NIN: variants seen among roughly 807,000 people sequenced by gnomAD.
NIN encodes glycogen synthase kinase 3 beta-interacting protein.
A neutral mutation model predicts 257.6 loss-of-function variants in NIN; 137 were observed. The ratio of observed to expected loss-of-function variants is 0.53; its 90% confidence interval spans 0.46 to 0.61. The LOEUF (loss-of-function observed/expected upper bound fraction) is 0.61, where lower values mean the gene tolerates loss of function less well. Among genes scored for constraint, NIN ranks in the 20% least tolerant of loss-of-function variants. NIN has a pLI of 0.00. For missense variants in NIN, 2,439 were observed against 2,501.2 expected, an observed-to-expected ratio of 0.98 and a Z score of 0.53; for synonymous variants, 918 against 919.8, an observed-to-expected ratio of 1.00 and a Z score of 0.04.
intron 17 of NIN, among the ~76,000 whole-genome samples, chr14:50,759,110 G>A (rs1317667975): frequency 6.6e-6 from 1 of 152,144 alleles, no homozygotes. Context: ...AGCGTGTGAC[G>A]AAACAAAGCC....
At chr14:50,743,317 T>C (rs1171664639) in intron 24 of NIN, 99 bp downstream of exon 24, 2 of 779,052 alleles carry the variant, frequency 2.6e-6, no homozygotes, top group Non-Finnish European at 4.4e-6. Context: ...GGAACCCTCT[T>C]ACGCTACTTC....
At position 50,812,373 on chromosome 14, in the gene NIN, C is replaced by A. The variant is rs539698426; in HGVS notation, c.184-5555G>T. ...CAGGCCCACTTCCCTCTTGGTCTGA[C>A]CCCTCAGGGAAATCCCTTGCTGCTG... On this transcript the variant is annotated intron_variant, in intron 3 of 30. Coordinates refer to ENST00000530997, the MANE Select transcript of NIN (RefSeq NM_020921.4). Among the ~76,000 whole-genome samples, 20 of 152,290 alleles carry A rather than the reference C, an allele frequency of 1.3e-4. No homozygotes were observed. The East Asian group carries it at 3.9e-3, about 29-fold the overall frequency.
At chr14:50,765,841 A>ATT (rs1354361634) in intron 14 of NIN, among the ~76,000 whole-genome samples, 644 of 63,770 alleles carry the variant, frequency 0.01, 3 homozygotes, top group African/African-American at 0.021. Flanking sequence ...GCTAACATTT[A>ATT]TGTTTTTTTT....
Position 50,770,982 on chromosome 14 carries a change from C to G in NIN, c.1129G>C (p.Asp377His). Residue 377 changes from aspartate to histidine, a missense_variant, in exon 11 of 31, where the codon GAT (aspartate) becomes CAT (histidine). By Grantham distance (81) the Asp-to-His change is moderately conservative. Around this residue, in one of 3 missense-constraint regions of NIN, gnomAD observed 2,043 missense variants for 2,050.2 expected, o/e 1.00. Transcript: ENST00000530997. The part of the protein sequence containing the change: ...AEIRHLLERV[D>H]QVVREKEKLR... ...TTCTCTTTTTCTCTGACCACCTGAT[C>G]AACTCGTTCCCTAGGATCAGAAGTA... The G allele has an allele frequency of 6.2e-7, 1 of 1,613,832 alleles. No homozygotes were observed. The highest frequency in any genetic ancestry group is 8.5e-7 in the Non-Finnish European group (1 of 1,179,892).
At chr14:50,727,563 ATAATT>A in intron 29 of NIN, 1 of 1,311,212 alleles carries the variant, frequency 7.6e-7, no homozygotes, top group African/African-American at 1.5e-5. Context: ...AAATAATAAA[ATAATT>A]TAAAAGAGCA....
At chr14:50,729,174 CTCA>C (rs2040562297) in intron 29 of NIN, among the ~76,000 whole-genome samples, 1 of 152,046 alleles carries the variant, frequency 6.6e-6, no homozygotes, top group Non-Finnish European at 1.5e-5. Flanking sequence ...AAGCTGAGAG[CTCA>C]AAAGTAGCAC....
intron 4 of NIN, among the ~76,000 whole-genome samples, chr14:50,800,227 A>G (rs562299133): frequency 1.3e-5 from 2 of 152,360 alleles, no homozygotes; most frequent in East Asian, 1.9e-4. Flanking sequence ...CATTGTTTAC[A>G]TAGATAGAGC....
In NIN at chr14:50,760,099, C is replaced by T. The variant is rs779925752; in HGVS notation, c.2157G>A (p.Leu719=). The change falls in exon 17 of 31, where the codon CTG becomes CTA. Residue 719 remains leucine, a synonymous_variant. Transcript: ENST00000530997. ...EEEKTHLQEK[L]RLQHEMELKA... is the part of the protein sequence containing the mutation. ...TGAGCTCCATCTCATGTTGCAGCCT[C>T]AGCTTCTCCTGCAGGTGAGTCTTTT... The T allele has an allele frequency of 6.2e-7, 1 of 1,614,188 alleles. No individual in the cohort carries two copies. Among genetic ancestry groups the T allele is most frequent in the Admixed American group, 1.7e-5 (1 of 60,030 alleles).
At chr14:50,741,174 G>T (rs1451745784) in intron 25 of NIN, among the ~76,000 whole-genome samples, 1 of 151,760 alleles carries the variant, frequency 6.6e-6, no homozygotes, top group Non-Finnish European at 1.5e-5. Flanking sequence ...TTTTTTTAAG[G>T]TCACACAAAT....
At chr14:50,789,665 T>C (rs574029191) in intron 5 of NIN, among the ~76,000 whole-genome samples, 15 of 152,174 alleles carry the variant, frequency 9.9e-5, no homozygotes, top group Non-Finnish European at 1.5e-4. Flanking sequence ...CCACACGTCA[T>C]TGAGAATTTT....
intron 6 of NIN, 43 bp downstream of exon 6, chr14:50,778,722 G>C (rs369043988): frequency 1.3e-6 from 2 of 1,593,610 alleles, no homozygotes; most frequent in South Asian, 1.1e-5. Context: ...AGCACCCGGC[G>C]GCCCTTCCCT....
intron 21 of NIN, 118 bp downstream of exon 21, chr14:50,752,400 G>A: frequency 1.3e-6 from 1 of 741,774 alleles, no homozygotes; most frequent in Non-Finnish European, 2.3e-6. Context: ...CTATTCATGT[G>A]CCAGGACCAT....
Position 50,723,577 on chromosome 14 carries a change from C to T in NIN, c.6288G>A (p.Gln2096=). 6.2e-7 allele frequency: 1 copy of T among 1,613,916 alleles called. No homozygotes were observed. Among genetic ancestry groups the T allele is most frequent in the Non-Finnish European group, 8.5e-7 (1 of 1,179,852 alleles). The part of the protein sequence containing the change: ...LKALEVTEQR[Q]KTAEKKNYLL... ...GGTAATTTTTCTTCTCTGCTGTTTT[C>T]TGTCGCTGTTCAGTCACTTCCAGAG... The change falls in exon 31 of 31, where the codon CAG becomes CAA. Residue 2096 remains glutamine (Q), a synonymous_variant. Coordinates refer to ENST00000530997, the MANE Select transcript of NIN (RefSeq NM_020921.4).
At chr14:50,738,769 C>T (rs2041128380) in intron 26 of NIN, among the ~76,000 whole-genome samples, 1 of 152,162 alleles carries the variant, frequency 6.6e-6, no homozygotes, top group Non-Finnish European at 1.5e-5. Flanking sequence ...AGTAGGTGTT[C>T]TAACTAAATA....
chr14:50,808,948 C>A (rs1402690626), intron 3 of NIN, among the ~76,000 whole-genome samples: 2 of 152,204 alleles, frequency 1.3e-5, no homozygotes, highest in African/African-American at 4.8e-5. Flanking sequence ...TGGCCAGGCA[C>A]AGTGGCTCAC....
chr14:50,779,851 GGA>G (rs1006883393), intron 5 of NIN, among the ~76,000 whole-genome samples: 1 of 152,162 alleles, frequency 6.6e-6, no homozygotes, highest in African/African-American at 2.4e-5. Context: ...GGCATAGTGA[GGA>G]GAGAGATGCA....
chr14:50,782,017 A>C (rs557286683), intron 5 of NIN, among the ~76,000 whole-genome samples: 9 of 150,790 alleles, frequency 6.0e-5, no homozygotes, highest in African/African-American at 2.2e-4. Flanking sequence ...AAAAAAAAAA[A>C]CCAAAAACAA....
chr14:50,766,772 A>G lies in NIN; in HGVS notation c.1545+8T>C, dbSNP rs774901273. On this transcript the variant is annotated splice_region_variant and intron_variant, in intron 13 of 30. Coordinates refer to ENST00000530997, the MANE Select transcript of NIN (RefSeq NM_020921.4). ...GCCTATCAGGAAATGAGATTTGAAC[A>G]GGTTTACCTTTTCTGCTAACACATT... is the stretch of plus-strand genomic sequence containing the variant. 6.3e-7 allele frequency: 1 copy of G among 1,581,404 alleles called. No individual in the cohort carries two copies. The highest frequency in any genetic ancestry group is 2.2e-5 in the East Asian group (1 of 44,684).
chr14:50,731,973 C>T (rs994135853), intron 28 of NIN, among the ~76,000 whole-genome samples: 1 of 152,182 alleles, frequency 6.6e-6, no homozygotes, highest in Non-Finnish European at 1.5e-5. Flanking sequence ...CATAGAGGTA[C>T]ACAAGAGACT....
Sources: gnomAD v4.1 joint callset for allele counts (sites outside exome capture counted in the v4.1 genomes callset) on GRCh38, gnomAD v4.1.1 for gene constraint, gnomAD v4.1.1 regional missense constraint, MANE v1.5 for transcripts, NCBI Gene and HGNC (gene_info 2026-07-23, HGNC 2026-07-21) for gene names.